Variants in SLC2A14 observed in about 807,000 individuals in gnomAD.
SLC2A14 encodes solute carrier family 2 member 14, also known as solute carrier family 2, facilitated glucose transporter member 14.
A neutral mutation model predicts 43.0 loss-of-function variants in SLC2A14; 13 were observed. That is an observed-to-expected ratio of 0.30 (90% CI 0.20 to 0.48). The LOEUF is 0.48. Among genes scored for constraint, SLC2A14 ranks in the 20% least tolerant of loss-of-function variants. SLC2A14 has a pLI of 0.99. For missense variants in SLC2A14, 428 were observed against 620.4 expected (o/e 0.69, Z 3.29); for synonymous variants, 190 against 233.8 (o/e 0.81, Z 1.71).
At chr12:7,837,577 G>T (rs1361922246) in intron 2 of SLC2A14, among the ~76,000 whole-genome samples, 1 of 134,180 alleles carries the variant, frequency 7.5e-6, no homozygotes, top group Non-Finnish European at 1.5e-5. Context: ...GGCGGAGGTT[G>T]CAGTCAGCCG....
chr12:7,831,246 A>G (rs1203741781), intron 4 of SLC2A14: 4 of 96,424 alleles, frequency 4.1e-5, no homozygotes, highest in African/African-American at 2.6e-4. Context: ...ATGAGACCCC[A>G]GTTTTGTTTT....
chr12:7,850,413 T>TA (rs1342000368), intron 2 of SLC2A14, among the ~76,000 whole-genome samples: 2 of 152,150 alleles, frequency 1.3e-5, no homozygotes, highest in Non-Finnish European at 2.9e-5. Context: ...ATTATTTTTT[T>TA]GAGACGGAGT....
intron 5 of SLC2A14, among the ~76,000 whole-genome samples, 198 bp downstream of exon 5, chr12:7,829,563 AAAAAG>A (rs1189136927): frequency 3.3e-5 from 5 of 152,226 alleles, no homozygotes; most frequent in Middle Eastern, 6.8e-3. Flanking sequence ...TCAAAAAAAA[AAAAAG>A]AAAAAGAAAA....
At chr12:7,815,515 C>T (rs1417422002) in intron 10 of SLC2A14, among the ~76,000 whole-genome samples, 7 of 152,120 alleles carry the variant, frequency 4.6e-5, no homozygotes, top group African/African-American at 1.7e-4. Context: ...GGTTTATAGC[C>T]TTTGATGTCT....
chr12:7,880,356 A>G (rs948482505), intron 1 of SLC2A14, among the ~76,000 whole-genome samples: 3 of 151,334 alleles, frequency 2.0e-5, no homozygotes, highest in South Asian at 2.1e-4. Flanking sequence ...CAACAAAAAC[A>G]CACACAAAAA....
chr12:7,816,695 C>T (rs1863484343), intron 10 of SLC2A14, among the ~76,000 whole-genome samples: 1 of 151,718 alleles, frequency 6.6e-6, no homozygotes, highest in South Asian at 2.1e-4. Context: ...AAGCCCCTGT[C>T]TCTATTCGTA....
At chr12:7,871,062 C>A (rs1241470683) in intron 1 of SLC2A14, 2 of 1,402,292 alleles carry the variant, frequency 1.4e-6, no homozygotes, top group Admixed American at 2.0e-5. Flanking sequence ...TGGATGAATA[C>A]CTGCAGGGCA....
intron 7 of SLC2A14, among the ~76,000 whole-genome samples, chr12:7,823,059 G>C (rs1864057537): frequency 6.6e-6 from 1 of 152,072 alleles, no homozygotes; most frequent in South Asian, 2.1e-4. Flanking sequence ...AAATTACTAT[G>C]TTTGTTATTT....
At chr12:7,867,180 G>A (rs1944959666) in intron 2 of SLC2A14, among the ~76,000 whole-genome samples, 1 of 151,196 alleles carries the variant, frequency 6.6e-6, no homozygotes, top group South Asian at 2.1e-4. Context: ...TCTGGAGGCT[G>A]AGGCAGGAGA....
At chr12:7,878,742 G>T (rs1454211774) in intron 1 of SLC2A14, among the ~76,000 whole-genome samples, 1 of 151,700 alleles carries the variant, frequency 6.6e-6, no homozygotes, top group African/African-American at 2.4e-5. Flanking sequence ...ACTTTCGGAG[G>T]CCAAGGTGGG....
chr12:7,882,044 C>T (rs952614700), intron 1 of SLC2A14, among the ~76,000 whole-genome samples: 2 of 152,024 alleles, frequency 1.3e-5, no homozygotes, highest in Non-Finnish European at 2.9e-5. Flanking sequence ...AGCAGGCTGC[C>T]CGGGCCAGCA....
At chr12:7,883,027 G>A (rs1161963564) in intron 1 of SLC2A14, among the ~76,000 whole-genome samples, 23 of 151,494 alleles carry the variant, frequency 1.5e-4, no homozygotes, top group East Asian at 5.9e-4. Flanking sequence ...TGGCCAACAT[G>A]GTGAAACCCT....
intron 7 of SLC2A14, among the ~76,000 whole-genome samples, chr12:7,823,669 G>A (rs933129433): frequency 2.0e-5 from 3 of 151,906 alleles, no homozygotes; most frequent in Non-Finnish European, 2.9e-5. Context: ...GCGGTGAGCC[G>A]AGATCGCACC....
chr12:7,831,586 C>T lies in SLC2A14; in HGVS notation c.272+18G>A. The T allele has an allele frequency of 1.2e-6, 2 of 1,613,676 alleles. No homozygotes were observed. Among genetic ancestry groups the T allele is most frequent in the Middle Eastern group, 1.7e-4 (1 of 5,814 alleles). On this transcript the variant is annotated intron_variant, in intron 4 of 10. Coordinates refer to ENST00000431042, the MANE Select transcript of SLC2A14 (RefSeq NM_001286234.2). Reference sequence around the variant, plus strand: ...CATCTGGTAGAGCCCACTTCCTTGCCCAGTTTCTAGTCAATACCTGCCAAA... The same window carrying T: ...CATCTGGTAGAGCCCACTTCCTTGCTCAGTTTCTAGTCAATACCTGCCAAA...
intron 2 of SLC2A14, among the ~76,000 whole-genome samples, chr12:7,834,125 A>C (rs1271354178): frequency 6.6e-6 from 1 of 151,998 alleles, no homozygotes; most frequent in Non-Finnish European, 1.5e-5. Flanking sequence ...CTCTCTGTTA[A>C]ATCTTTTTCT....
chr12:7,863,237 C>A (rs778606906), intron 2 of SLC2A14: 5 of 350,008 alleles, frequency 1.4e-5, no homozygotes, highest in South Asian at 1.0e-4. Flanking sequence ...GCGACACTCA[C>A]GGCGGAAGTC....
rs368992724 is a variant in SLC2A14, at chr12:7,814,397, G to A, written c.1413C>T (p.His471=). 164 of 1,612,994 alleles carry A rather than the reference G, an allele frequency of 1.0e-4. No homozygotes were observed. Among genetic ancestry groups the A allele is most frequent in the Middle Eastern group, 3.3e-4 (2 of 6,056 alleles). ...CGTCCTTCCCAGATCTATCTGCACC[G>A]TGTGCCTGCCCTTCAAAGGCCCGTG... ...DITRAFEGQA[H]GADRSGKDGV... Residue 471 remains histidine, a synonymous_variant, in exon 11 of 11, where the codon CAC becomes CAT. Coordinates refer to ENST00000431042, the MANE Select transcript of SLC2A14 (RefSeq NM_001286234.2).
chr12:7,861,724 G>A (rs945233771), intron 2 of SLC2A14, among the ~76,000 whole-genome samples: 1 of 151,836 alleles, frequency 6.6e-6, no homozygotes, highest in Non-Finnish European at 1.5e-5. Context: ...GCACTTTGAG[G>A]GGCTGAGGCA....
intron 2 of SLC2A14, among the ~76,000 whole-genome samples, chr12:7,853,509 A>G (rs1867108921): frequency 6.6e-6 from 1 of 151,608 alleles, no homozygotes. Flanking sequence ...CTGAGGCAGG[A>G]GAATCTCTTG....
Sources: gnomAD v4.1 joint callset for allele counts (sites outside exome capture counted in the v4.1 genomes callset) on GRCh38, gnomAD v4.1.1 for gene constraint, MANE v1.5 for transcripts, NCBI Gene and HGNC (gene_info 2026-07-23, HGNC 2026-07-21) for gene names.